CUL1: variants seen among roughly 807,000 people sequenced by gnomAD.
The protein encoded by CUL1 is cullin 1.
Under a neutral mutation model 118.0 loss-of-function variants are expected in CUL1, and 24 were observed. The ratio of observed to expected loss-of-function variants is 0.20; its 90% CI spans 0.15 to 0.29. The LOEUF is 0.29. Ranked by LOEUF, CUL1 falls within the 10% of genes least tolerant of loss-of-function variation. The probability of loss-of-function intolerance (pLI) is 1.00; values close to 1 mark genes in which losing one functional copy is unlikely to be tolerated. For synonymous variants in CUL1, 332 were observed against 340.4 expected, an observed-to-expected ratio of 0.98 and a Z score of 0.27; for missense variants, 361 against 933.8, an observed-to-expected ratio of 0.39 and a Z score of 7.99.
At chr7:148,797,722 T>G in intron 17 of CUL1, 90 bp from the exon 18 acceptor site, 2 of 871,876 alleles carry the variant, frequency 2.3e-6, no homozygotes, top group East Asian at 2.6e-5. Context: ...TTTTTTTTAA[T>G]GGAAAATGGA....
chr7:148,789,260 T>G (rs1800928538), intron 14 of CUL1, among the ~76,000 whole-genome samples: 1 of 152,238 alleles, frequency 6.6e-6, no homozygotes, highest in South Asian at 2.1e-4. Flanking sequence ...CCAGTGGGCT[T>G]TTTAACTATC....
chr7:148,736,007 TAAA>T (rs60787796), intron 2 of CUL1, among the ~76,000 whole-genome samples: 53,257 of 132,382 alleles, frequency 0.4, 10,313 homozygotes, highest in South Asian at 0.46. Flanking sequence ...ACCTTGTCTT[TAAA>T]AAAAAAAAAA....
chr7:148,732,775 C>T (rs1052238023), intron 2 of CUL1, among the ~76,000 whole-genome samples: 2 of 152,056 alleles, frequency 1.3e-5, no homozygotes, highest in East Asian at 1.9e-4. Context: ...TAATTAAATT[C>T]GTATAATTTG....
intron 1 of CUL1, among the ~76,000 whole-genome samples, chr7:148,723,310 A>G (rs1010005173): frequency 1.3e-5 from 2 of 152,200 alleles, no homozygotes; most frequent in Non-Finnish European, 2.9e-5. Flanking sequence ...TCCCAGGATC[A>G]GGTGGTAAAC....
intron 9 of CUL1, among the ~76,000 whole-genome samples, chr7:148,776,177 A>AC (rs71529635): frequency 0.68 from 102,140 of 151,006 alleles, 34,607 homozygotes; most frequent in Admixed American, 0.73. Context: ...CTGCAGGAAG[A>AC]CCCCCCTCTG....
chr7:148,731,063 G>C (rs1429847745), intron 2 of CUL1, among the ~76,000 whole-genome samples: 1 of 152,142 alleles, frequency 6.6e-6, no homozygotes, highest in Non-Finnish European at 1.5e-5. Context: ...TATTTAAAAA[G>C]AATTTTATTC....
chr7:148,794,734 T>G (rs958482008), intron 17 of CUL1, among the ~76,000 whole-genome samples: 1 of 152,230 alleles, frequency 6.6e-6, no homozygotes, highest in Non-Finnish European at 1.5e-5. Context: ...GGTTGTCTTT[T>G]CTTTCAACTG....
chr7:148,705,121 T>C (rs1797842088), intron 1 of CUL1, among the ~76,000 whole-genome samples: 1 of 152,226 alleles, frequency 6.6e-6, no homozygotes. Context: ...TCAGATACTT[T>C]AGTCCCCTCA....
At chr7:148,771,879 A>AGGT (rs1554471739) in intron 9 of CUL1, among the ~76,000 whole-genome samples, 2 of 152,152 alleles carry the variant, frequency 1.3e-5, no homozygotes, top group African/African-American at 4.8e-5. Flanking sequence ...TGAGGCTTGA[A>AGGT]GGGGAGCATC....
At position 148,792,871 on chromosome 7, in the gene CUL1, G is replaced by T. The variant is rs551988640; in HGVS notation, c.1899+53G>T. The stretch of plus-strand genomic sequence containing the variant: ...ATCAGCTTGCCGTTTCCTTGTTCTC[G>T]TGGATATTGTTAGGAAAGATAAGGA... On this transcript the variant is annotated intron_variant, in intron 17 of 21. Transcript: ENST00000325222. The T allele has an allele frequency of 1.4e-5, 18 of 1,296,408 alleles. No individual in the cohort carries two copies. The Middle Eastern group carries it at 5.5e-4, about 39-fold the overall frequency. 80.3% of individuals were successfully genotyped at this position (1,296,408 alleles called of 1,614,324 possible).
At chr7:148,742,907 T>G (rs778008834) in intron 2 of CUL1, among the ~76,000 whole-genome samples, 2 of 152,226 alleles carry the variant, frequency 1.3e-5, no homozygotes, top group Non-Finnish European at 2.9e-5. Context: ...CCCAACTCTT[T>G]CTACCTTTTC....
Position 148,788,479 on chromosome 7 carries a change from C to T in CUL1, c.1480-78C>T. 4 of 899,650 alleles carry T rather than the reference C, an allele frequency of 4.4e-6. No individual in the cohort carries two copies. The South Asian group carries it at 6.0e-5, about 14-fold the overall frequency. The allele number at this position is 899,650 out of a possible 1,614,324, so 55.7% of individuals were successfully genotyped here. A position where few individuals can be genotyped will look rare whatever the true frequency, so the allele number is the denominator to read the frequency against. On this transcript the variant is annotated intron_variant, in intron 13 of 21. Coordinates refer to ENST00000325222, the MANE Select transcript of CUL1 (RefSeq NM_003592.3). ...TATAATTAAGTATATATTGTATACT[C>T]TGATTTCTCTAAGATTCCCTTGTAT... is the stretch of plus-strand genomic sequence containing the variant.
intron 1 of CUL1, among the ~76,000 whole-genome samples, chr7:148,716,575 C>T (rs1266944474): frequency 2.6e-5 from 4 of 152,180 alleles, no homozygotes; most frequent in Non-Finnish European, 5.9e-5. Context: ...TTTCTCCTTC[C>T]GCCATGGGTA....
chr7:148,769,446 CACAA>C lies in CUL1; in HGVS notation c.1083+1699_1083+1702del, dbSNP rs879864941. Among the ~76,000 whole-genome samples, 1,008 of 136,034 alleles carry C rather than the reference CACAA, an allele frequency of 7.4e-3. 6 individuals are homozygous for C. The highest frequency in any genetic ancestry group is 0.012 in the Middle Eastern group (3 of 244). 89.2% of individuals were successfully genotyped at this position (136,034 alleles called of 152,430 possible). ...ACACACACACACACACACACACACA[CACAA>C]AACGCTCACCCTCCTGTGATTCAGA... On this transcript the variant is annotated intron_variant, in intron 9 of 21. Transcript: ENST00000325222.
At chr7:148,706,633 A>G (rs73465476) in intron 1 of CUL1, among the ~76,000 whole-genome samples, 1,542 of 125,874 alleles carry the variant, frequency 0.012, 25 homozygotes, top group African/African-American at 0.044. Flanking sequence ...TACATGTTCT[A>G]TATATAGGGG....
At chr7:148,798,466 C>G in intron 19 of CUL1, 106 bp from the exon 20 acceptor site, 1 of 748,000 alleles carries the variant, frequency 1.3e-6, no homozygotes, top group Non-Finnish European at 2.3e-6. Context: ...ATTCTCCCCT[C>G]TGTCTAGGGA....
At chr7:148,701,649 G>A (rs369168074) in intron 1 of CUL1, among the ~76,000 whole-genome samples, 14 of 152,184 alleles carry the variant, frequency 9.2e-5, no homozygotes, top group African/African-American at 2.9e-4. Context: ...GCTGGAGTGG[G>A]ATAGGAAGTT....
chr7:148,723,270 G>C (rs781516487), intron 1 of CUL1, among the ~76,000 whole-genome samples: 1 of 152,172 alleles, frequency 6.6e-6, no homozygotes, highest in African/African-American at 2.4e-5. Context: ...TGGGCCGTCT[G>C]TCTGCCGTAT....
At chr7:148,720,709 T>A (rs768691975) in intron 1 of CUL1, among the ~76,000 whole-genome samples, 145 of 152,164 alleles carry the variant, frequency 9.5e-4, no homozygotes, top group Non-Finnish European at 1.5e-3. Context: ...GTGTTGAACT[T>A]GTGAGTCTGT....
Sources: gnomAD v4.1 joint callset for allele counts (sites outside exome capture counted in the v4.1 genomes callset) on GRCh38, gnomAD v4.1.1 for gene constraint, MANE v1.5 for transcripts, NCBI Gene and HGNC (gene_info 2026-07-23, HGNC 2026-07-21) for gene names.